Variants in MAPKAP1 observed in about 807,000 individuals in gnomAD.
The protein encoded by MAPKAP1 is MAPK associated protein 1.
Under a neutral mutation model 65.7 loss-of-function variants are expected in MAPKAP1, and 20 were observed. The observed-to-expected ratio is 0.30, with a 90% CI of 0.21 to 0.44. The LOEUF (loss-of-function observed/expected upper bound fraction) is 0.44, where lower values mean the gene tolerates loss of function less well. Among genes scored for constraint, MAPKAP1 ranks in the 20% least tolerant of loss-of-function variants. The pLI is 1.00. For missense variants in MAPKAP1, 423 were observed against 648.0 expected, an observed-to-expected ratio of 0.65 and a Z score of 3.77; for synonymous variants, 222 against 244.3, an observed-to-expected ratio of 0.91 and a Z score of 0.85.
chr9:125,594,034 T>C (rs1832050636), intron 4 of MAPKAP1, among the ~76,000 whole-genome samples: 1 of 152,220 alleles, frequency 6.6e-6, no homozygotes. Context: ...CCTCTTTCTG[T>C]CTCACACTCT....
At chr9:125,643,117 C>G (rs1179840533) in intron 4 of MAPKAP1, among the ~76,000 whole-genome samples, 1 of 151,818 alleles carries the variant, frequency 6.6e-6, no homozygotes, top group Non-Finnish European at 1.5e-5. Flanking sequence ...CCAGGCTGGT[C>G]TTGAACTCCT....
chr9:125,514,116 G>T (rs1458828582), intron 7 of MAPKAP1, among the ~76,000 whole-genome samples: 5 of 152,154 alleles, frequency 3.3e-5, no homozygotes, highest in Non-Finnish European at 5.9e-5. Context: ...TGGTCCACGT[G>T]GGTTCCTCAG....
intron 4 of MAPKAP1, among the ~76,000 whole-genome samples, chr9:125,608,847 C>A (rs116951003): frequency 5.2e-3 from 797 of 152,160 alleles, no homozygotes; most frequent in Non-Finnish European, 8.6e-3. Context: ...ACCAAAATGA[C>A]AATATTAGTA....
chr9:125,465,795 C>T (rs1423579496), intron 10 of MAPKAP1, among the ~76,000 whole-genome samples: 1 of 152,124 alleles, frequency 6.6e-6, no homozygotes, highest in Non-Finnish European at 1.5e-5. Context: ...TGTGCAAACT[C>T]CTGGGGGGCA....
intron 4 of MAPKAP1, among the ~76,000 whole-genome samples, chr9:125,642,174 C>A (rs1351031325): frequency 6.6e-6 from 1 of 150,712 alleles, no homozygotes; most frequent in African/African-American, 2.4e-5. Context: ...CCCTGCACTC[C>A]AGCCTGGGCA....
At chr9:125,690,867 A>G (rs1473289560) in intron 1 of MAPKAP1, among the ~76,000 whole-genome samples, 1 of 152,244 alleles carries the variant, frequency 6.6e-6, no homozygotes, top group African/African-American at 2.4e-5. Context: ...ACAGAAGACT[A>G]GTTATAAAGC....
intron 8 of MAPKAP1, among the ~76,000 whole-genome samples, chr9:125,493,762 C>T (rs550194834): frequency 2.6e-5 from 4 of 152,342 alleles, no homozygotes; most frequent in Non-Finnish European, 5.9e-5. Flanking sequence ...ATTTTAAAGA[C>T]GTCATCTCAT....
intron 1 of MAPKAP1, among the ~76,000 whole-genome samples, chr9:125,693,474 CACACATAT>C (rs1301910434): frequency 6.7e-6 from 1 of 149,626 alleles, no homozygotes; most frequent in Non-Finnish European, 1.5e-5. Context: ...TATATATACA[CACACATAT>C]ACACATATAT....
chr9:125,640,041 C>G (rs1833533338), intron 4 of MAPKAP1, among the ~76,000 whole-genome samples: 1 of 152,160 alleles, frequency 6.6e-6, no homozygotes, highest in Non-Finnish European at 1.5e-5. Context: ...CCTACTAAGA[C>G]CTCAGTATAG....
chr9:125,697,608 A>G (rs1028482187), intron 1 of MAPKAP1, among the ~76,000 whole-genome samples: 1 of 152,190 alleles, frequency 6.6e-6, no homozygotes, highest in Non-Finnish European at 1.5e-5. Context: ...TTGAACATTA[A>G]GGTTCTAATT....
chr9:125,514,784 T>C (rs777109672), intron 7 of MAPKAP1, among the ~76,000 whole-genome samples: 35 of 152,186 alleles, frequency 2.3e-4, no homozygotes, highest in Non-Finnish European at 3.8e-4. Flanking sequence ...TGGAGACTTA[T>C]GGCAGGAAGA....
intron 7 of MAPKAP1, 29 bp from the exon 8 acceptor site, chr9:125,506,446 G>C (rs768454373): frequency 2.4e-5 from 38 of 1,573,616 alleles, no homozygotes; most frequent in Non-Finnish European, 3.1e-5. Context: ...AGGAGGAGGG[G>C]AGGAAGTCTG....
In MAPKAP1 at chr9:125,485,964, C is replaced by T. The variant is rs186486295; in HGVS notation, c.1067-1381G>A. 4.9e-3 allele frequency among the ~76,000 whole-genome samples: 743 copies of T among 152,204 alleles called. 4 individuals carry two copies. The highest frequency in any genetic ancestry group is 0.017 in the African/African-American group (702 of 41,516). ...AGTGTCAGGGTGGATTATATTCAGC[C>T]GTGTGCTAGAATTGCTTAGTGGTTG... On this transcript the variant is annotated intron_variant, in intron 8 of 11. Transcript: ENST00000265960.
chr9:125,691,020 G>C (rs529360074), intron 1 of MAPKAP1, among the ~76,000 whole-genome samples: 1 of 152,330 alleles, frequency 6.6e-6, no homozygotes, highest in East Asian at 1.9e-4. Flanking sequence ...CCAGCACTGT[G>C]GGAGGCCGAG....
chr9:125,594,812 A>G (rs1190201368), intron 4 of MAPKAP1, among the ~76,000 whole-genome samples: 1 of 152,160 alleles, frequency 6.6e-6, no homozygotes, highest in East Asian at 1.9e-4. Flanking sequence ...CTAGCTGGCT[A>G]AATCAAAAGG....
intron 4 of MAPKAP1, among the ~76,000 whole-genome samples, chr9:125,598,071 GA>G (rs898997224): frequency 1.9e-4 from 25 of 129,874 alleles, no homozygotes; most frequent in South Asian, 2.4e-4. Context: ...GTCGACATGA[GA>G]AAAAAAAAAA....
chr9:125,648,351 G>C (rs538608370), intron 4 of MAPKAP1, among the ~76,000 whole-genome samples: 4 of 152,124 alleles, frequency 2.6e-5, no homozygotes, highest in Non-Finnish European at 5.9e-5. Flanking sequence ...AAAAGTTGTA[G>C]TTTTCCCATC....
intron 9 of MAPKAP1, 111 bp from the exon 10 acceptor site, chr9:125,468,220 C>G: frequency 8.5e-7 from 1 of 1,179,962 alleles, no homozygotes; most frequent in East Asian, 2.4e-5. Flanking sequence ...TGAACGTGAG[C>G]TCTTTCTTAG....
At chr9:125,578,498 G>A (rs1360193132) in intron 5 of MAPKAP1, among the ~76,000 whole-genome samples, 1 of 151,920 alleles carries the variant, frequency 6.6e-6, no homozygotes, top group African/African-American at 2.4e-5. Flanking sequence ...TCACTTACAT[G>A]AGTCAAAAAA....
Sources: allele counts gnomAD v4.1 joint callset (sites outside exome capture counted in the v4.1 genomes callset), GRCh38; gene constraint gnomAD v4.1.1; transcripts MANE v1.5; gene names NCBI Gene and HGNC (gene_info 2026-07-23, HGNC 2026-07-21).